Variants in TACR3 observed in about 807,000 individuals in gnomAD.
The protein encoded by TACR3 is tachykinin receptor 3.
In TACR3, 34 loss-of-function variants were observed where a neutral mutation model predicts 35.0. That is an observed-to-expected ratio of 0.97 (90% CI 0.74 to 1.30). The LOEUF (loss-of-function observed/expected upper bound fraction) is 1.30. TACR3 is among the 50% of genes most tolerant of loss of function. The probability of loss-of-function intolerance (pLI) is 0.00; values close to 1 mark genes in which losing one functional copy is unlikely to be tolerated. For missense variants in TACR3, 558 were observed against 591.7 expected, an observed-to-expected ratio of 0.94 and a Z score of 0.59; for synonymous variants, 233 against 221.1, an observed-to-expected ratio of 1.05 and a Z score of -0.48.
chr4:103,684,365 G>A (rs532847240), intron 1 of TACR3, among the ~76,000 whole-genome samples: 1 of 152,176 alleles, frequency 6.6e-6, no homozygotes, highest in East Asian at 1.9e-4. Flanking sequence ...AGTTTGACAA[G>A]GATGCAGAAT....
At chr4:103,630,513 G>C (rs1725033168) in intron 3 of TACR3, among the ~76,000 whole-genome samples, 1 of 152,170 alleles carries the variant, frequency 6.6e-6, no homozygotes, top group Non-Finnish European at 1.5e-5. Flanking sequence ...ATCAAAAAGT[G>C]GGCAAGGGAT....
At chr4:103,715,828 G>A (rs932722288) in intron 1 of TACR3, among the ~76,000 whole-genome samples, 2 of 152,060 alleles carry the variant, frequency 1.3e-5, no homozygotes, top group African/African-American at 2.4e-5. Flanking sequence ...TATTTGTATT[G>A]TAATAACTGT....
Position 103,600,561 on chromosome 4 carries a change from A to G in TACR3, c.889-8878T>C, listed in dbSNP as rs145144807. 7.0e-3 allele frequency among the ~76,000 whole-genome samples: 1,067 copies of G among 152,214 alleles called. 62 individuals are homozygous for G. The East Asian group carries it at 0.14, about 20-fold the overall frequency. On this transcript the variant is annotated intron_variant, in intron 3 of 4. Coordinates refer to ENST00000304883, the MANE Select transcript of TACR3 (RefSeq NM_001059.3). ...TTTTAATTGTGATGTTAGGGTGTCA[A>G]TTTTAGATCTTTCTTGCTTTCTCTT... is the stretch of plus-strand genomic sequence containing the variant.
chr4:103,701,723 C>A (rs544151199), intron 1 of TACR3, among the ~76,000 whole-genome samples: 2 of 151,710 alleles, frequency 1.3e-5, no homozygotes. Flanking sequence ...TGGAACAGAA[C>A]AGAGCCCTCA....
intron 1 of TACR3, among the ~76,000 whole-genome samples, chr4:103,660,490 TA>T (rs1308922456): frequency 1.3e-5 from 2 of 151,952 alleles, no homozygotes; most frequent in African/African-American, 4.8e-5. Flanking sequence ...TCATGAACTT[TA>T]TCATGTTAAA....
intron 1 of TACR3, among the ~76,000 whole-genome samples, chr4:103,714,938 G>T (rs1228106965): frequency 6.6e-6 from 1 of 151,970 alleles, no homozygotes; most frequent in Admixed American, 6.6e-5. Flanking sequence ...CATAAATTAG[G>T]TTTATGTAAA....
At chr4:103,643,515 G>C (rs910763173) in intron 3 of TACR3, among the ~76,000 whole-genome samples, 11 of 151,614 alleles carry the variant, frequency 7.3e-5, no homozygotes, top group Admixed American at 2.0e-4. Context: ...AGAAATAACA[G>C]TTGTTTTGCA....
intron 3 of TACR3, among the ~76,000 whole-genome samples, chr4:103,598,969 A>G (rs567946569): frequency 3.3e-5 from 5 of 152,278 alleles, no homozygotes; most frequent in South Asian, 2.1e-4. Context: ...ACTTTAAAGT[A>G]GTTTTTCCCA....
At chr4:103,663,022 G>A (rs1036285675) in intron 1 of TACR3, among the ~76,000 whole-genome samples, 3 of 152,194 alleles carry the variant, frequency 2.0e-5, no homozygotes, top group Non-Finnish European at 4.4e-5. Flanking sequence ...ACAGGATACT[G>A]CAATTGATAC....
intron 3 of TACR3, among the ~76,000 whole-genome samples, chr4:103,591,930 A>C (rs1723906305): frequency 6.6e-6 from 1 of 152,176 alleles, no homozygotes; most frequent in African/African-American, 2.4e-5. Context: ...AACACGGACA[A>C]ATATATTTTG....
At chr4:103,718,638 G>C (rs575728476) in intron 1 of TACR3, among the ~76,000 whole-genome samples, 1 of 152,296 alleles carries the variant, frequency 6.6e-6, no homozygotes, top group South Asian at 2.1e-4. Context: ...GCAAGACTAG[G>C]GAATAGGGAA....
chr4:103,629,936 A>G (rs565362540), intron 3 of TACR3, among the ~76,000 whole-genome samples: 4 of 151,968 alleles, frequency 2.6e-5, no homozygotes, highest in African/African-American at 9.6e-5. Context: ...TTGACTTCAA[A>G]CTATACTACA....
At chr4:103,628,931 C>T (rs1724979401) in intron 3 of TACR3, among the ~76,000 whole-genome samples, 1 of 152,106 alleles carries the variant, frequency 6.6e-6, no homozygotes, top group South Asian at 2.1e-4. Context: ...CATCAAAAAG[C>T]TTAACCACCA....
chr4:103,719,063 T>G (rs1005249282), intron 1 of TACR3, 65 bp downstream of exon 1: 31 of 1,602,184 alleles, frequency 1.9e-5, no homozygotes, highest in Non-Finnish European at 2.6e-5. Flanking sequence ...TTTGTAATCT[T>G]ATCCCACCGC....
At chr4:103,690,468 G>A (rs1722378214) in intron 1 of TACR3, among the ~76,000 whole-genome samples, 2 of 152,010 alleles carry the variant, frequency 1.3e-5, no homozygotes, top group Non-Finnish European at 2.9e-5. Flanking sequence ...CATCTAACAA[G>A]AGACCTTCAA....
intron 1 of TACR3, among the ~76,000 whole-genome samples, chr4:103,702,842 A>G (rs993276571): frequency 2.3e-4 from 33 of 142,708 alleles, no homozygotes; most frequent in African/African-American, 7.5e-4. Flanking sequence ...ATAGGTGGGA[A>G]TTGAACAATG....
chr4:103,708,079 G>T (rs1426008560), intron 1 of TACR3, among the ~76,000 whole-genome samples: 1 of 152,186 alleles, frequency 6.6e-6, no homozygotes, highest in Non-Finnish European at 1.5e-5. Context: ...CTGGGGGCAG[G>T]GCATAGCTGA....
intron 1 of TACR3, among the ~76,000 whole-genome samples, chr4:103,717,657 C>T (rs1467842525): frequency 6.6e-6 from 1 of 151,948 alleles, no homozygotes; most frequent in Non-Finnish European, 1.5e-5. Context: ...TACCTCTCCC[C>T]CTAATCAAAA....
At chr4:103,714,269 G>A (rs183941375) in intron 1 of TACR3, among the ~76,000 whole-genome samples, 7 of 151,924 alleles carry the variant, frequency 4.6e-5, no homozygotes, top group East Asian at 1.9e-4. Flanking sequence ...GATATCAGCC[G>A]GAGTTCAGCT....
Sources: gnomAD v4.1 joint callset for allele counts (sites outside exome capture counted in the v4.1 genomes callset) on GRCh38, gnomAD v4.1.1 for gene constraint, MANE v1.5 for transcripts, NCBI Gene and HGNC (gene_info 2026-07-23, HGNC 2026-07-21) for gene names.